OR7C1: variants seen among roughly 807,000 people sequenced by gnomAD.
OR7C1 encodes olfactory receptor family 7 subfamily C member 1.
For missense variants in OR7C1, 324 were observed against 383.3 expected (o/e 0.85, Z 1.29); for synonymous variants, 152 against 160.7 (o/e 0.95, Z 0.41).
chr19:14,816,294 T>G (rs369905198), intron 1 of OR7C1, among the ~76,000 whole-genome samples: 48 of 152,204 alleles, frequency 3.2e-4, no homozygotes, highest in African/African-American at 1.1e-3. Flanking sequence ...TGCAAAGTAT[T>G]GATCCTGGGT....
At chr19:14,815,440 G>C (rs561052642) in intron 1 of OR7C1, among the ~76,000 whole-genome samples, 1 of 152,214 alleles carries the variant, frequency 6.6e-6, no homozygotes, top group Non-Finnish European at 1.5e-5. Context: ...TGTATGTCTA[G>C]CCAACCCATT....
intron 1 of OR7C1, among the ~76,000 whole-genome samples, chr19:14,833,878 C>T (rs2044858319): frequency 2.0e-5 from 3 of 152,294 alleles, no homozygotes; most frequent in Admixed American, 6.5e-5. Flanking sequence ...AATTTTTAAA[C>T]AGATGGCAAA....
intron 1 of OR7C1, among the ~76,000 whole-genome samples, chr19:14,814,222 T>C (rs2044705760): frequency 6.8e-6 from 1 of 147,588 alleles, no homozygotes; most frequent in Admixed American, 6.6e-5. Context: ...AGAAAAGCAA[T>C]GAGCAGAGTG....
At chr19:14,821,222 G>C (rs2044739728) in intron 1 of OR7C1, among the ~76,000 whole-genome samples, 1 of 152,126 alleles carries the variant, frequency 6.6e-6, no homozygotes, top group African/African-American at 2.4e-5. Context: ...TGGGTGACAA[G>C]AGTGAAACTC....
chr19:14,833,828 G>A (rs1013658427), intron 1 of OR7C1, among the ~76,000 whole-genome samples: 1 of 131,026 alleles, frequency 7.6e-6, no homozygotes, highest in African/African-American at 2.8e-5. Context: ...GAGCGGGGAT[G>A]GAGTGGGGAA....
At chr19:14,831,932 A>G (rs1482851905) in intron 1 of OR7C1, among the ~76,000 whole-genome samples, 1 of 152,136 alleles carries the variant, frequency 6.6e-6, no homozygotes, top group Non-Finnish European at 1.5e-5. Context: ...TTGTTGAGAT[A>G]GGGTCTTACT....
intron 2 of OR7C1, among the ~76,000 whole-genome samples, chr19:14,807,011 A>G (rs1443712617): frequency 6.6e-6 from 1 of 152,000 alleles, no homozygotes; most frequent in Non-Finnish European, 1.5e-5. Context: ...ACAGTGTAAA[A>G]ACATTCCTAT....
intron 2 of OR7C1, among the ~76,000 whole-genome samples, chr19:14,805,883 T>G (rs1464463623): frequency 6.6e-6 from 1 of 151,914 alleles, no homozygotes; most frequent in Non-Finnish European, 1.5e-5. Context: ...TATATAAGAC[T>G]GCTATCTAAA....
intron 1 of OR7C1, among the ~76,000 whole-genome samples, chr19:14,834,748 C>T (rs1051350290): frequency 2.0e-5 from 3 of 152,168 alleles, no homozygotes; most frequent in Non-Finnish European, 4.4e-5. Flanking sequence ...TACACGATTT[C>T]TCTACTCCCC....
intron 1 of OR7C1, among the ~76,000 whole-genome samples, chr19:14,811,394 C>G (rs758035104): frequency 3.3e-5 from 5 of 151,828 alleles, no homozygotes; most frequent in Non-Finnish European, 7.3e-5. Context: ...CATTTGGTTT[C>G]CTCTGCACCT....
chr19:14,812,292 G>A (rs990250947), intron 1 of OR7C1, among the ~76,000 whole-genome samples: 1 of 152,152 alleles, frequency 6.6e-6, no homozygotes, highest in South Asian at 2.1e-4. Context: ...CTCAGTACCT[G>A]TTTTAAGAAA....
At chr19:14,825,164 G>A (rs2044759425) in intron 1 of OR7C1, 1 of 152,170 alleles carries the variant, frequency 6.6e-6, no homozygotes, top group South Asian at 2.1e-4. Flanking sequence ...CTGGGAGATC[G>A]AGGCTTCAGT....
intron 1 of OR7C1, among the ~76,000 whole-genome samples, chr19:14,818,247 T>C (rs942079779): frequency 6.6e-6 from 1 of 151,902 alleles, no homozygotes; most frequent in African/African-American, 2.4e-5. Context: ...TGCCCGCCAC[T>C]ACGCCCGGCT....
intron 1 of OR7C1, among the ~76,000 whole-genome samples, chr19:14,813,438 C>T (rs969685808): frequency 6.6e-6 from 1 of 151,852 alleles, no homozygotes; most frequent in Admixed American, 6.6e-5. Flanking sequence ...GCCTGTAGTC[C>T]CAGCTACTCG....
chr19:14,830,475 C>T (rs1399513713), intron 1 of OR7C1, among the ~76,000 whole-genome samples: 1 of 150,816 alleles, frequency 6.6e-6, no homozygotes, highest in Non-Finnish European at 1.5e-5. Context: ...CAAAGGCTTG[C>T]TGGGGATCTT....
chr19:14,832,509 C>T (rs1244550562), intron 1 of OR7C1, among the ~76,000 whole-genome samples: 5 of 151,402 alleles, frequency 3.3e-5, no homozygotes, highest in Non-Finnish European at 7.4e-5. Flanking sequence ...GACTGGCAAC[C>T]TCCGCCTCCT....
chr19:14,820,156 C>T (rs938156123), intron 1 of OR7C1, among the ~76,000 whole-genome samples: 3 of 152,100 alleles, frequency 2.0e-5, no homozygotes, highest in African/African-American at 7.2e-5. Context: ...GGTTGATCTG[C>T]CCACCTTGGC....
At chr19:14,833,474 G>A (rs901687767) in intron 1 of OR7C1, among the ~76,000 whole-genome samples, 10 of 151,998 alleles carry the variant, frequency 6.6e-5, no homozygotes, top group East Asian at 1.9e-4. Flanking sequence ...GCGAGACTCC[G>A]TCTCAAAAAA....
At chr19:14,827,844 A>T in intron 1 of OR7C1, 2 of 1,614,220 alleles carry the variant, frequency 1.2e-6, no homozygotes, top group Non-Finnish European at 1.7e-6. Flanking sequence ...CATAATGACC[A>T]TGTAGTGCAG....
Sources: gnomAD v4.1 joint callset for allele counts (sites outside exome capture counted in the v4.1 genomes callset) on GRCh38, gnomAD v4.1.1 for gene constraint, MANE v1.5 for transcripts, NCBI Gene and HGNC (gene_info 2026-07-23, HGNC 2026-07-21) for gene names.